The following TBL1Y variants were observed in gnomAD, a reference collection of about 807,000 sequenced individuals.
TBL1Y encodes transducin beta like 1 Y-linked, also known as F-box-like/WD repeat-containing protein TBL1Y.
In TBL1Y, 15 loss-of-function variants were observed where a neutral mutation model predicts 12.0. That is an observed-to-expected ratio of 1.25 (90% CI 0.83 to 1.92). The LOEUF is 1.92. Among genes scored for constraint, TBL1Y ranks in the 40% most tolerant of loss-of-function variants. The pLI is 0.00. For synonymous variants in TBL1Y, 53 were observed against 42.6 expected (o/e 1.24, Z -0.95); for missense variants, 148 against 116.7 (o/e 1.27, Z -1.24).
intron 4 of TBL1Y, among the ~76,000 whole-genome samples, chrY:7,008,364 C>T: frequency 3.1e-5 from 1 of 32,571 alleles, no homozygotes; most frequent in Non-Finnish European, 7.5e-5. Context: ...TATCTAGGGA[C>T]GGTGATGCAG....
chrY:7,039,200 A>T (rs771978044), intron 6 of TBL1Y, among the ~76,000 whole-genome samples: 1 of 33,562 alleles, frequency 3.0e-5, no homozygotes, highest in South Asian at 6.9e-4. Context: ...ATAGCCTAAG[A>T]TGCTGATGAA....
At chrY:6,980,003 C>T in intron 3 of TBL1Y, among the ~76,000 whole-genome samples, 1 of 33,390 alleles carries the variant, frequency 3.0e-5, no homozygotes, top group Non-Finnish European at 7.4e-5. Flanking sequence ...CTCATGAGAA[C>T]TCTGTCACAA....
intron 3 of TBL1Y, among the ~76,000 whole-genome samples, chrY:6,990,489 A>G: frequency 6.4e-5 from 2 of 31,296 alleles, no homozygotes; most frequent in East Asian, 1.7e-3. Context: ...ACTCTTGCTC[A>G]GTACAAATGG....
At chrY:6,974,405 C>T in intron 2 of TBL1Y, among the ~76,000 whole-genome samples, 1 of 33,732 alleles carries the variant, frequency 3.0e-5, no homozygotes, top group Admixed American at 2.7e-4. Context: ...CTGGGATTCC[C>T]AGTCAAATCT....
At chrY:6,995,133 C>A in intron 3 of TBL1Y, among the ~76,000 whole-genome samples, 1 of 33,023 alleles carries the variant, frequency 3.0e-5, no homozygotes, top group South Asian at 7.3e-4. Context: ...TGCAAGGATA[C>A]CAGTCATGGT....
chrY:7,027,351 A>G (rs2012631615), intron 6 of TBL1Y, among the ~76,000 whole-genome samples: 1 of 33,407 alleles, frequency 3.0e-5, no homozygotes, highest in Non-Finnish European at 7.4e-5. Flanking sequence ...AAGAAAGAGC[A>G]CCTTCTCCTC....
chrY:7,045,582 G>T (rs781111862), intron 7 of TBL1Y, among the ~76,000 whole-genome samples: 2 of 33,383 alleles, frequency 6.0e-5, no homozygotes, highest in East Asian at 1.6e-3. Context: ...GGCTTGTGCC[G>T]TAGTTCTGAG....
chrY:6,911,396 C>T, intron 1 of TBL1Y, among the ~76,000 whole-genome samples: 1 of 34,499 alleles, frequency 2.9e-5, no homozygotes, highest in African/African-American at 1.1e-4. Context: ...TTTCACGCCC[C>T]GGTGGAGGGG....
chrY:7,086,449 C>T (rs368903465), intron 16 of TBL1Y, 32 bp downstream of exon 16: 8 of 368,039 alleles, frequency 2.2e-5, no homozygotes, highest in African/African-American at 1.4e-4. Context: ...GGTACAGCTC[C>T]GCCCTACACA....
chrY:7,056,751 C>T (rs763027288), intron 7 of TBL1Y, among the ~76,000 whole-genome samples: 8 of 33,471 alleles, frequency 2.4e-4, no homozygotes, highest in East Asian at 7.8e-4. Context: ...ATTCACCCCA[C>T]GCTCCTGGGC....
intron 2 of TBL1Y, among the ~76,000 whole-genome samples, chrY:6,928,478 T>A: frequency 3.0e-5 from 1 of 33,562 alleles, no homozygotes; most frequent in Admixed American, 2.7e-4. Flanking sequence ...GTACTTGGCT[T>A]GTGCTACTGG....
chrY:6,938,628 A>G, intron 2 of TBL1Y, among the ~76,000 whole-genome samples: 1 of 33,887 alleles, frequency 3.0e-5, no homozygotes, highest in Non-Finnish European at 7.3e-5. Flanking sequence ...CCCACCTGGA[A>G]GATCCATAAT....
At chrY:7,088,794 G>A in intron 17 of TBL1Y, among the ~76,000 whole-genome samples, 1 of 32,940 alleles carries the variant, frequency 3.0e-5, no homozygotes. Flanking sequence ...TGTTCTGTAA[G>A]TATAAAAATA....
intron 2 of TBL1Y, among the ~76,000 whole-genome samples, chrY:6,948,505 GA>G (rs2012000108): frequency 0.048 from 396 of 8,276 alleles, no homozygotes; most frequent in African/African-American, 0.29. Flanking sequence ...CATCTCTACT[GA>G]AAAAAAAAAA....
At chrY:7,067,726 T>G in intron 8 of TBL1Y, among the ~76,000 whole-genome samples, 1 of 32,952 alleles carries the variant, frequency 3.0e-5, no homozygotes, top group African/African-American at 1.2e-4. Context: ...GTCTGATTCC[T>G]GTAGAAGAGG....
chrY:7,063,378 C>T, intron 7 of TBL1Y, among the ~76,000 whole-genome samples: 1 of 33,515 alleles, frequency 3.0e-5, no homozygotes, highest in Non-Finnish European at 7.4e-5. Flanking sequence ...CCTGCTGTGT[C>T]GTTCCGCAAT....
chrY:7,005,476 G>C (rs2012480900), intron 4 of TBL1Y, among the ~76,000 whole-genome samples: 1 of 32,876 alleles, frequency 3.0e-5, no homozygotes, highest in African/African-American at 1.2e-4. Flanking sequence ...CTGAGTACAT[G>C]CATCAAGCTG....
rs72617690 is a variant in TBL1Y at position 6,990,278 on chromosome Y, C to T, written c.-234-5526C>T. 0.03 allele frequency among the ~76,000 whole-genome samples: 1,007 copies of T among 33,194 alleles called. No individual in the cohort carries two copies. The East Asian group carries it at 0.79, about 26-fold the overall frequency. 89.1% of individuals were successfully genotyped at this position (33,194 alleles called of 37,273 possible). On this transcript the variant is annotated intron_variant, in intron 3 of 18. Transcript: ENST00000383032. ...TTAAGTGATTTTTCCAACCCAGAATCTTAAAATGCCAACAGTAACCCCCCA... is the reference window on the plus strand; with the variant it reads ...TTAAGTGATTTTTCCAACCCAGAATTTTAAAATGCCAACAGTAACCCCCCA...
intron 2 of TBL1Y, among the ~76,000 whole-genome samples, chrY:6,957,508 C>G: frequency 5.8e-5 from 2 of 34,240 alleles, no homozygotes; most frequent in South Asian, 6.5e-4. Context: ...TCAGTCAGCC[C>G]TTGTTCTTCC....
Sources: allele counts gnomAD v4.1 joint callset (sites outside exome capture counted in the v4.1 genomes callset), GRCh38; gene constraint gnomAD v4.1.1; transcripts MANE v1.5; gene names NCBI Gene and HGNC (gene_info 2026-07-23, HGNC 2026-07-21).